Variants in ABHD17C observed in about 807,000 individuals in gnomAD.
ABHD17C encodes the protein alpha/beta hydrolase domain-containing protein 17C.
In ABHD17C, 11 loss-of-function variants were observed where a neutral mutation model predicts 27.9. That is an observed-to-expected ratio of 0.39 (90% CI 0.25 to 0.65). The LOEUF is 0.65. ABHD17C is among the 30% of genes least tolerant of loss of function. The pLI, the probability that ABHD17C is intolerant of heterozygous loss-of-function variation, is 0.45. For synonymous variants in ABHD17C, 233 were observed against 209.1 expected (o/e 1.11, Z -0.98); for missense variants, 280 against 470.2 (o/e 0.60, Z 3.74).
At position 80,755,187 on chromosome 15, in the gene ABHD17C, G is replaced by A. The variant is rs1382153648; in HGVS notation, c.*817G>A. ...TGTCAGGCTACAACAATGAACTGCAGATTCCTTGTTTGTAATGTAAATGAT... is the reference window on the plus strand; with the variant it reads ...TGTCAGGCTACAACAATGAACTGCAAATTCCTTGTTTGTAATGTAAATGAT... On this transcript the variant is annotated 3_prime_UTR_variant, in exon 3 of 3. Coordinates refer to ENST00000258884, the MANE Select transcript of ABHD17C (RefSeq NM_021214.2). 2 of 152,158 alleles carry A rather than the reference G, an allele frequency of 1.3e-5. No homozygotes were observed. Among genetic ancestry groups the A allele is most frequent in the Admixed American group, 1.3e-4 (2 of 15,282 alleles). 9.4% of individuals were successfully genotyped at this position (152,158 alleles called of 1,614,324 possible). A position where few individuals can be genotyped will look rare whatever the true frequency, so the allele number is the denominator to read the frequency against.
chr15:80,749,535 A>G lies in ABHD17C; in HGVS notation c.613A>G (p.Ile205Val). ...RTRYGVSPEN[I>V]ILYGQSIGTV... The stretch of plus-strand genomic sequence containing the variant: ...CAGGTATGGCGTGAGTCCCGAGAAC[A>G]TTATCCTCTATGGTCAGAGCATTGG... The change falls in exon 2 of 3, where the codon ATT (isoleucine) becomes GTT (valine). Residue 205 changes from isoleucine (I) to valine (V), a missense_variant. By Grantham distance (29) the Ile-to-Val change is conservative. Coordinates refer to ENST00000258884, the MANE Select transcript of ABHD17C (RefSeq NM_021214.2). The G allele has an allele frequency of 1.2e-6, 2 of 1,613,900 alleles. No homozygotes were observed. Among genetic ancestry groups the G allele is most frequent in the Non-Finnish European group, 1.7e-6 (2 of 1,179,844 alleles).
At chr15:80,703,825 A>G (rs1441320595) in intron 1 of ABHD17C, among the ~76,000 whole-genome samples, 2 of 152,220 alleles carry the variant, frequency 1.3e-5, no homozygotes, top group African/African-American at 4.8e-5. Flanking sequence ...GGTGGGGGAT[A>G]CATTCCAAGA....
chr15:80,747,351 C>T (rs951074928), intron 1 of ABHD17C, among the ~76,000 whole-genome samples: 6 of 152,096 alleles, frequency 3.9e-5, no homozygotes, highest in African/African-American at 7.2e-5. Flanking sequence ...CCCAAAGACT[C>T]CCTGGACTTG....
intron 1 of ABHD17C, among the ~76,000 whole-genome samples, chr15:80,698,475 T>C (rs984787684): frequency 6.6e-6 from 1 of 152,240 alleles, no homozygotes; most frequent in African/African-American, 2.4e-5. Flanking sequence ...GACAGGAGGA[T>C]AGACTGGCGG....
At chr15:80,729,155 C>T (rs10851940) in intron 1 of ABHD17C, among the ~76,000 whole-genome samples, 33,067 of 151,986 alleles carry the variant, frequency 0.22, 4,048 homozygotes, top group South Asian at 0.3. Context: ...CTGATAACCA[C>T]TGGAGGAATA....
intron 1 of ABHD17C, chr15:80,704,876 T>C (rs1285845153): frequency 6.6e-6 from 1 of 152,274 alleles, no homozygotes; most frequent in Non-Finnish European, 1.5e-5. Flanking sequence ...ATTGCCTTTT[T>C]GAGACCACGT....
chr15:80,745,632 G>A (rs8026804), intron 1 of ABHD17C, among the ~76,000 whole-genome samples: 15,412 of 152,114 alleles, frequency 0.1, 1,411 homozygotes, highest in East Asian at 0.54. Flanking sequence ...CTTCCAAAGC[G>A]CTGGGATTAC....
At chr15:80,735,563 G>C (rs920535820) in intron 1 of ABHD17C, among the ~76,000 whole-genome samples, 1 of 151,816 alleles carries the variant, frequency 6.6e-6, no homozygotes, top group African/African-American at 2.4e-5. Flanking sequence ...TTGTTTTTAC[G>C]CCCCTGCCGC....
intron 1 of ABHD17C, among the ~76,000 whole-genome samples, chr15:80,697,037 C>A (rs891736732): frequency 3.9e-5 from 6 of 152,120 alleles, no homozygotes; most frequent in Non-Finnish European, 5.9e-5. Flanking sequence ...TCGCCATGGA[C>A]CCTTCTATAG....
At chr15:80,708,867 T>C (rs1894687111) in intron 1 of ABHD17C, among the ~76,000 whole-genome samples, 1 of 152,140 alleles carries the variant, frequency 6.6e-6, no homozygotes, top group African/African-American at 2.4e-5. Context: ...GAGAGAATAG[T>C]TGTGGAGCAG....
At chr15:80,740,750 C>A (rs755170159) in intron 1 of ABHD17C, among the ~76,000 whole-genome samples, 4 of 152,152 alleles carry the variant, frequency 2.6e-5, no homozygotes, top group Non-Finnish European at 5.9e-5. Flanking sequence ...AGTGTCAGAA[C>A]CTGCCGTGGG....
At chr15:80,732,858 T>C (rs552383552) in intron 1 of ABHD17C, among the ~76,000 whole-genome samples, 1 of 152,318 alleles carries the variant, frequency 6.6e-6, no homozygotes, top group East Asian at 1.9e-4. Context: ...GGGCCAGCAT[T>C]CAGGTTTCAG....
At chr15:80,749,990 C>T (rs569302911) in intron 2 of ABHD17C, among the ~76,000 whole-genome samples, 26 of 152,242 alleles carry the variant, frequency 1.7e-4, no homozygotes, top group African/African-American at 5.8e-4. Context: ...ACCCATACAT[C>T]CTAAAGGAAC....
At chr15:80,711,547 CA>C (rs997934310) in intron 1 of ABHD17C, among the ~76,000 whole-genome samples, 3 of 151,584 alleles carry the variant, frequency 2.0e-5, no homozygotes, top group South Asian at 4.2e-4. Context: ...AGATTATTTC[CA>C]AAAAAAACCC....
At chr15:80,749,803 C>A in intron 2 of ABHD17C, 111 bp downstream of exon 2, 1 of 1,318,596 alleles carries the variant, frequency 7.6e-7, no homozygotes, top group Non-Finnish European at 1.0e-6. Context: ...ATACGTCAGA[C>A]CCTGTGCTGG....
intron 1 of ABHD17C, among the ~76,000 whole-genome samples, chr15:80,732,050 G>A (rs1178263755): frequency 6.6e-6 from 1 of 152,222 alleles, no homozygotes; most frequent in African/African-American, 2.4e-5. Flanking sequence ...CATCTGAGAT[G>A]CTCAGGCTGG....
chr15:80,740,845 A>G (rs1895199355), intron 1 of ABHD17C, among the ~76,000 whole-genome samples: 1 of 152,172 alleles, frequency 6.6e-6, no homozygotes, highest in Non-Finnish European at 1.5e-5. Context: ...TAAAGTGAAT[A>G]TGTTTAGTCT....
Position 80,754,357 on chromosome 15 carries a change from T to G in ABHD17C, c.977T>G (p.Leu326Arg), listed in dbSNP as rs1448826718. The change falls in exon 3 of 3, where the codon CTT (leucine) becomes CGT (arginine). Residue 326 changes from leucine to arginine, a missense_variant. Transcript: ENST00000258884. ...ERLKQFISHE[L>R]PNS ...CTAAAACAGTTCATATCTCACGAAC[T>G]TCCTAATTCCTGAAGACAACAACTT... is the stretch of plus-strand genomic sequence containing the variant. 1 of 1,612,446 alleles carries G rather than the reference T, an allele frequency of 6.2e-7. No homozygotes were observed. The highest frequency in any genetic ancestry group is 1.7e-5 in the Admixed American group (1 of 59,832).
intron 1 of ABHD17C, among the ~76,000 whole-genome samples, chr15:80,697,585 C>CT: frequency 6.6e-6 from 1 of 151,538 alleles, no homozygotes; most frequent in Non-Finnish European, 1.5e-5. Flanking sequence ...ACAGGTGTGT[C>CT]TGTGTTACAG....
Sources: allele counts gnomAD v4.1 joint callset (sites outside exome capture counted in the v4.1 genomes callset), GRCh38; gene constraint gnomAD v4.1.1; transcripts MANE v1.5; gene names NCBI Gene and HGNC (gene_info 2026-07-23, HGNC 2026-07-21).